HGF: variants seen among roughly 807,000 people sequenced by gnomAD.
HGF encodes the protein fibroblast-derived tumor cytotoxic factor.
In HGF, 39 loss-of-function variants were observed where a neutral mutation model predicts 111.6. The observed-to-expected ratio is 0.35, with a 90% CI of 0.27 to 0.46. The LOEUF is 0.46. Ranked by LOEUF, HGF falls within the 20% of genes least tolerant of loss-of-function variation. HGF has a pLI of 1.00. For synonymous variants in HGF, 285 were observed against 294.8 expected (o/e 0.97, Z 0.34); for missense variants, 735 against 910.5 (o/e 0.81, Z 2.48).
chr7:81,752,075 C>T (rs369219030), intron 5 of HGF, 45 bp downstream of exon 5: 5 of 1,612,264 alleles, frequency 3.1e-6, no homozygotes, highest in African/African-American at 1.3e-5. Flanking sequence ...CAGTTCTACA[C>T]ATAGGGGGAA....
intron 7 of HGF, among the ~76,000 whole-genome samples, chr7:81,739,985 A>G (rs1239957504): frequency 6.6e-6 from 1 of 152,056 alleles, no homozygotes. Flanking sequence ...ACCCATATCA[A>G]TCATGTACCT....
chr7:81,726,036 TTAA>T lies in HGF; in HGVS notation c.1041-22_1041-20del. On this transcript the variant is annotated intron_variant, in intron 8 of 17. Coordinates refer to ENST00000222390, the MANE Select transcript of HGF (RefSeq NM_000601.6). ...TAGGTCCCTATTGAGAATAAGCATG[TTAA>T]TGTAAATTGCCGGAGTTCTTACGTT... is the stretch of plus-strand genomic sequence containing the variant. 1 of 1,613,512 alleles carries T rather than the reference TTAA, an allele frequency of 6.2e-7. No individual in the cohort carries two copies. The highest frequency in any genetic ancestry group is 8.5e-7 in the Non-Finnish European group (1 of 1,179,424).
intron 9 of HGF, among the ~76,000 whole-genome samples, chr7:81,721,986 G>C (rs138456270): frequency 6.6e-6 from 1 of 152,088 alleles, no homozygotes; most frequent in East Asian, 1.9e-4. Flanking sequence ...GTATTTGTTC[G>C]TTAGCATTCT....
At chr7:81,720,391 T>TTATA (rs1789821980) in intron 10 of HGF, among the ~76,000 whole-genome samples, 1 of 152,234 alleles carries the variant, frequency 6.6e-6, no homozygotes, top group South Asian at 2.1e-4. Context: ...TGCCACTTAC[T>TTATA]TATACACTGT....
At chr7:81,735,844 C>T (rs1016787211) in intron 7 of HGF, among the ~76,000 whole-genome samples, 3 of 152,060 alleles carry the variant, frequency 2.0e-5, no homozygotes, top group Admixed American at 2.0e-4. Flanking sequence ...TCCTCACTTG[C>T]AAATGGTCAC....
At chr7:81,762,939 A>C in intron 1 of HGF, 67 bp from the exon 2 acceptor site, 1 of 939,654 alleles carries the variant, frequency 1.1e-6, no homozygotes, top group Non-Finnish European at 1.7e-6. Flanking sequence ...CATATATAAA[A>C]AAAATCCTAA....
chr7:81,719,995 G>C (rs540434640), intron 10 of HGF, among the ~76,000 whole-genome samples: 38 of 152,152 alleles, frequency 2.5e-4, no homozygotes, highest in African/African-American at 9.2e-4. Flanking sequence ...TTTTATTCTA[G>C]TGCATATACT....
chr7:81,750,387 G>A (rs1459844077), intron 5 of HGF, among the ~76,000 whole-genome samples: 2 of 152,128 alleles, frequency 1.3e-5, no homozygotes, highest in African/African-American at 4.8e-5. Context: ...GAAAGAACAT[G>A]TCTGCAACCT....
intron 5 of HGF, chr7:81,751,112 A>G (rs957761094): frequency 5.4e-6 from 5 of 929,160 alleles, no homozygotes; most frequent in Non-Finnish European, 6.4e-6. Context: ...TTTTTATGTG[A>G]TAAATATCAA....
intron 5 of HGF, chr7:81,751,593 A>G (rs540351923): frequency 2.0e-6 from 2 of 994,814 alleles, no homozygotes; most frequent in Admixed American, 1.1e-4. Context: ...TACGTGTCAC[A>G]TTTGATTCTA....
chr7:81,731,740 C>G (rs543371041), intron 7 of HGF, among the ~76,000 whole-genome samples: 32 of 152,228 alleles, frequency 2.1e-4, no homozygotes, highest in African/African-American at 7.7e-4. Flanking sequence ...AAAACAGGTA[C>G]AAGGTCAAGT....
rs531407854 is a variant in HGF at position 81,743,622 on chromosome 7, C to T, written c.747-151G>A. On this transcript the variant is annotated intron_variant, in intron 6 of 17. Coordinates refer to ENST00000222390, the MANE Select transcript of HGF (RefSeq NM_000601.6). Reference sequence around the variant, plus strand: ...GTTTTGCCTTACGAGGACTGCTGATCACTGACTATTGAATCTACTAATTTA... The same window carrying T: ...GTTTTGCCTTACGAGGACTGCTGATTACTGACTATTGAATCTACTAATTTA... 2.5e-5 allele frequency: 18 copies of T among 717,666 alleles called. No individual in the cohort carries two copies. The South Asian group carries it at 2.5e-4, about 10-fold the overall frequency. The allele number at this position is 717,666 out of a possible 1,614,324, so 44.5% of individuals were successfully genotyped here.
At chr7:81,712,317 T>C (rs1424522764) in intron 11 of HGF, among the ~76,000 whole-genome samples, 1 of 152,152 alleles carries the variant, frequency 6.6e-6, no homozygotes, top group Admixed American at 6.5e-5. Flanking sequence ...TTTTATATGG[T>C]TAAAGATAAT....
chr7:81,743,367 G>A lies in HGF; in HGVS notation c.851C>T (p.Ala284Val), dbSNP rs2116021303. The A allele has an allele frequency of 6.2e-7, 1 of 1,601,776 alleles. No homozygotes were observed. The highest frequency in any genetic ancestry group is 8.6e-7 in the Non-Finnish European group (1 of 1,168,696). The change falls in exon 7 of 18, where the codon GCA becomes GTA. Residue 284 changes from alanine to valine, a missense_variant. Physicochemically the swap from Ala to Val is moderately conservative, Grantham distance 64. Around this residue, in one of 3 missense-constraint regions of HGF, gnomAD observed 553 missense variants for 685.6 expected, o/e 0.81. Transcript: ENST00000222390. ...LDPHTRWEYCAIKTCADNTMN... is the reference protein window; with the variant it reads ...LDPHTRWEYCVIKTCADNTMN... ...CCTTCACTTACCGCATGTTTTAATT[G>A]CACAGTACTCCCAGCGGGTGTGAGG...
intron 8 of HGF, among the ~76,000 whole-genome samples, chr7:81,727,683 C>G (rs537827075): frequency 1.3e-5 from 2 of 151,914 alleles, no homozygotes; most frequent in Non-Finnish European, 2.9e-5. Context: ...ATGGAGTCAC[C>G]CTTTGTTGCC....
intron 2 of HGF, among the ~76,000 whole-genome samples, chr7:81,761,427 G>C (rs1337487930): frequency 1.3e-5 from 2 of 151,760 alleles, no homozygotes; most frequent in African/African-American, 4.8e-5. Context: ...TTATTTCTCT[G>C]AAAAAGGCAA....
intron 7 of HGF, among the ~76,000 whole-genome samples, chr7:81,731,999 A>G (rs1243926648): frequency 6.6e-6 from 1 of 152,134 alleles, no homozygotes; most frequent in Admixed American, 6.6e-5. Flanking sequence ...TGCCTCAGGT[A>G]CCTCAACTCT....
chr7:81,726,226 A>AT (rs754641222), intron 8 of HGF, among the ~76,000 whole-genome samples: 18 of 152,054 alleles, frequency 1.2e-4, no homozygotes, highest in African/African-American at 4.3e-4. Context: ...ATATGTTAAT[A>AT]TTTTTTTCCT....
intron 8 of HGF, among the ~76,000 whole-genome samples, chr7:81,727,081 C>A (rs566409280): frequency 6.6e-6 from 1 of 150,872 alleles, no homozygotes; most frequent in South Asian, 2.1e-4. Flanking sequence ...CGTTCTGTCG[C>A]CCAAGCTGGA....
Sources: gnomAD v4.1 joint callset for allele counts (sites outside exome capture counted in the v4.1 genomes callset) on GRCh38, gnomAD v4.1.1 for gene constraint, gnomAD v4.1.1 regional missense constraint, MANE v1.5 for transcripts, NCBI Gene and HGNC (gene_info 2026-07-23, HGNC 2026-07-21) for gene names.